The following PSG1 variants were observed in gnomAD, a reference collection of about 807,000 sequenced individuals.
PSG1 encodes pregnancy-specific beta-1-glycoprotein 1.
In PSG1, 60 loss-of-function variants were observed where a neutral mutation model predicts 41.4. The ratio of observed to expected loss-of-function variants is 1.45; its 90% CI spans 1.18 to 1.80. The LOEUF (loss-of-function observed/expected upper bound fraction) is 1.80. Ranked by LOEUF, PSG1 falls within the 40% of genes most tolerant of loss-of-function variation. The pLI is 0.00. For missense variants in PSG1, 806 were observed against 516.9 expected, an observed-to-expected ratio of 1.56 and a Z score of -5.42; for synonymous variants, 256 against 192.9, an observed-to-expected ratio of 1.33 and a Z score of -2.71.
rs542061078 is a variant in PSG1 at position 42,876,535 on chromosome 19, A to G, written c.430+1378T>C. Among the ~76,000 whole-genome samples, 16 of 151,062 alleles carry G rather than the reference A, an allele frequency of 1.1e-4. 1 individual carries two copies. The highest frequency in any genetic ancestry group is 6.4e-4 in the South Asian group (3 of 4,714). ...ATTCATTTCTTCATTCCATTCCTTC[A>G]TTTGTCATGTGAGAGCTCCTGAGTG... is the stretch of plus-strand genomic sequence containing the variant. On this transcript the variant is annotated intron_variant, in intron 2 of 5. Coordinates refer to ENST00000436291, the MANE Select transcript of PSG1 (RefSeq NM_001184825.2).
intron 2 of PSG1, among the ~76,000 whole-genome samples, chr19:42,875,002 C>T (rs183526924): frequency 6.6e-6 from 1 of 151,910 alleles, no homozygotes; most frequent in East Asian, 1.9e-4. Context: ...AGAATGTGAG[C>T]TCCTTAGCAG....
intron 1 of PSG1, among the ~76,000 whole-genome samples, chr19:42,879,043 A>C (rs10422367): frequency 6.7e-6 from 1 of 149,888 alleles, no homozygotes; most frequent in African/African-American, 2.5e-5. Flanking sequence ...AGATTTTCCT[A>C]CCTCTTACCA....
chr19:42,872,035 A>G lies in PSG1; in HGVS notation c.441T>C (p.Pro147=), dbSNP rs1071708. 1.1e-5 allele frequency: 17 copies of G among 1,611,790 alleles called. 1 individual carries two copies. Among genetic ancestry groups the G allele is most frequent in the South Asian group, 5.5e-5 (5 of 90,734 alleles). The change falls in exon 3 of 6, where the codon CCT becomes CCC. Residue 147 remains proline, a synonymous_variant. Transcript: ENST00000436291. ...AGTTGCTGCTGGAGATGGAGGGCTT[A>G]GGAGTCTCCACTGTGCAGAAAACAG... ...RFTFTLHLET[P]KPSISSSNLN...
chr19:42,874,123 G>C (rs1221022215), intron 2 of PSG1: 1 of 151,696 alleles, frequency 6.6e-6, no homozygotes, highest in African/African-American at 2.4e-5. Context: ...GTACATTACA[G>C]TCTTTGTAGT....
In PSG1 at chr19:42,871,938, A is replaced by G. The variant is rs780136061; in HGVS notation, c.538T>C (p.Trp180Arg). 6 of 1,612,230 alleles carry G rather than the reference A, an allele frequency of 3.7e-6. No individual in the cohort carries two copies. The highest frequency in any genetic ancestry group is 3.3e-5 in the Admixed American group (2 of 59,856). Reference protein sequence around the residue: ...DPETPDASYLWWMNGQSLPMT... With the variant: ...DPETPDASYLRWMNGQSLPMT... ...GGGAGGCTCTGACCATTCATCCACC[A>G]CAGGTAGCTTGCGTCTGGAGTCTCA... The change falls in exon 3 of 6, where the codon TGG becomes CGG. Residue 180 changes from tryptophan (W) to arginine (R), a missense_variant. By Grantham distance (101) the Trp-to-Arg change is moderately radical. Coordinates refer to ENST00000436291, the MANE Select transcript of PSG1 (RefSeq NM_001184825.2).
chr19:42,878,860 G>A (rs1439210070), intron 1 of PSG1, among the ~76,000 whole-genome samples: 1 of 151,418 alleles, frequency 6.6e-6, no homozygotes, highest in Non-Finnish European at 1.5e-5. Flanking sequence ...GAGTTCTCAG[G>A]GCCCTCCATG....
intron 2 of PSG1, among the ~76,000 whole-genome samples, chr19:42,876,015 C>T (rs191908175): frequency 5.3e-5 from 8 of 151,310 alleles, no homozygotes; most frequent in Admixed American, 5.3e-4. Context: ...GAGAGGAAGC[C>T]TGGCAGGAGT....
At chr19:42,870,169 G>A (rs1352541464) in intron 3 of PSG1, 23 of 151,928 alleles carry the variant, frequency 1.5e-4, no homozygotes, top group Non-Finnish European at 5.9e-5. Context: ...AGAGCTTGAT[G>A]CCTATAGTTC....
At chr19:42,871,421 C>CT (rs1175311248) in intron 3 of PSG1, among the ~76,000 whole-genome samples, 1 of 151,578 alleles carries the variant, frequency 6.6e-6, no homozygotes, top group African/African-American at 2.4e-5. Flanking sequence ...AAATCCTGGT[C>CT]TGTGGAAGGG....
intron 1 of PSG1, 96 bp from the exon 2 acceptor site, chr19:42,878,374 G>C (rs1600518327): frequency 2.7e-6 from 4 of 1,463,908 alleles, no homozygotes; most frequent in Non-Finnish European, 3.7e-6. Flanking sequence ...TCAGTCCTCA[G>C]CCTTGACAAC....
chr19:42,868,619 C>G, intron 4 of PSG1, 137 bp downstream of exon 4: 1 of 1,524,164 alleles, frequency 6.6e-7, no homozygotes, highest in South Asian at 1.3e-5. Flanking sequence ...TTTCCCAGGG[C>G]AGGGAGTCAT....
rs1490997283 is a variant in PSG1, at chr19:42,868,930, T to G, written c.814A>C (p.Ile272Leu). The change falls in exon 4 of 6, where the codon ATT becomes CTT. Residue 272 changes from isoleucine (I) to leucine (L), a missense_variant. Coordinates refer to ENST00000436291, the MANE Select transcript of PSG1 (RefSeq NM_001184825.2). ...CEPKSENYTY[I>L]WWLNGQSLPV... The stretch of plus-strand genomic sequence containing the variant: ...AGGCTCTGACCATTTAGCCACCAAA[T>G]GTAGGTGTAGTTCTCACTCTTAGGT... 13 of 1,610,562 alleles carry G rather than the reference T, an allele frequency of 8.1e-6. 1 individual carries two copies. The highest frequency in any genetic ancestry group is 1.0e-5 in the Non-Finnish European group (12 of 1,179,060).
Position 42,873,425 on chromosome 19 carries a change from G to C in PSG1, c.431-1380C>G, listed in dbSNP as rs573376268. Among the ~76,000 whole-genome samples the C allele has an allele frequency of 3.3e-5, 5 of 151,670 alleles. No homozygotes were observed. In the South Asian group the frequency reaches 1.1e-3, roughly 32 times the overall value. Reference sequence around the variant, plus strand: ...GATTTCCGATGCTCAATTTGTAACAGTGTAATTTTTCCGTAAAAATTTGTC... The same window carrying C: ...GATTTCCGATGCTCAATTTGTAACACTGTAATTTTTCCGTAAAAATTTGTC... On this transcript the variant is annotated intron_variant, in intron 2 of 5. Coordinates refer to ENST00000436291, the MANE Select transcript of PSG1 (RefSeq NM_001184825.2).
intron 2 of PSG1, among the ~76,000 whole-genome samples, chr19:42,875,082 C>T (rs1444211999): frequency 6.6e-6 from 1 of 151,666 alleles, no homozygotes; most frequent in Non-Finnish European, 1.5e-5. Flanking sequence ...CAGCCTCTGA[C>T]ACCCTGGTGA....
In PSG1 at chr19:42,875,590, A is replaced by T. The variant is rs1971569262; in HGVS notation, c.430+2323T>A. On this transcript the variant is annotated intron_variant, in intron 2 of 5. Transcript: ENST00000436291. ...CCTACCTAGAGGCAGATTCAAGCAC[A>T]AACAGATCATGTCCCCCTGCCCCCA... Among the ~76,000 whole-genome samples, 4 of 151,450 alleles carry T rather than the reference A, an allele frequency of 2.6e-5. No homozygotes were observed. In the South Asian group the frequency reaches 8.4e-4, roughly 32 times the overall value.
At chr19:42,872,359 G>A (rs929867589) in intron 2 of PSG1, among the ~76,000 whole-genome samples, 4 of 151,770 alleles carry the variant, frequency 2.6e-5, no homozygotes, top group Non-Finnish European at 5.9e-5. Context: ...CCAACTGCCT[G>A]CCTGGCCCAC....
intron 3 of PSG1, 51 bp from the exon 4 acceptor site, chr19:42,869,085 C>G: frequency 6.3e-7 from 1 of 1,594,438 alleles, no homozygotes; most frequent in Non-Finnish European, 8.6e-7. Flanking sequence ...TTTGATTCCT[C>G]CACAGGTATC....
chr19:42,872,904 G>A (rs1306011586), intron 2 of PSG1, among the ~76,000 whole-genome samples: 1 of 151,778 alleles, frequency 6.6e-6, no homozygotes, highest in Non-Finnish European at 1.5e-5. Flanking sequence ...ACGGAAGTCT[G>A]GCCCTCATGG....
chr19:42,872,084 C>A (rs749017085), intron 2 of PSG1, 39 bp from the exon 3 acceptor site: 1 of 1,585,906 alleles, frequency 6.3e-7, no homozygotes. Context: ...GTGTGTGGCG[C>A]CTTTGATTCC....
Sources: gnomAD v4.1 joint callset for allele counts (sites outside exome capture counted in the v4.1 genomes callset) on GRCh38, gnomAD v4.1.1 for gene constraint, MANE v1.5 for transcripts, NCBI Gene and HGNC (gene_info 2026-07-23, HGNC 2026-07-21) for gene names.